The following PXDN variants were observed in gnomAD, a reference collection of about 807,000 sequenced individuals.
PXDN encodes the protein peroxidasin homolog.
In PXDN, 77 loss-of-function variants were observed where a neutral mutation model predicts 140.3. That is an observed-to-expected ratio of 0.55 (90% confidence interval 0.46 to 0.66). The LOEUF (loss-of-function observed/expected upper bound fraction) is 0.66, where lower values mean the gene tolerates loss of function less well. PXDN is among the 30% of genes least tolerant of loss of function. The pLI is 0.00. For missense variants in PXDN, 1,838 were observed against 2,039.5 expected, an observed-to-expected ratio of 0.90 and a Z score of 1.90; for synonymous variants, 911 against 857.4, an observed-to-expected ratio of 1.06 and a Z score of -1.09.
rs1558494304 is a variant in PXDN, at chr2:1,658,054, CT to C, written c.1837+2826del. Reference sequence around the variant, plus strand: ...TCTCTCTCTCTCTCTCTCTCTCTCTCTCTCTCTCTCTCTCTCTCTCTCTCTC... The same window carrying C: ...TCTCTCTCTCTCTCTCTCTCTCTCTCCTCTCTCTCTCTCTCTCTCTCTCTC... On this transcript the variant is annotated intron_variant, in intron 14 of 22. Coordinates refer to ENST00000252804, the MANE Select transcript of PXDN (RefSeq NM_012293.3). 3.8e-3 allele frequency among the ~76,000 whole-genome samples: 498 copies of C among 130,260 alleles called. 41 individuals carry two copies. Among genetic ancestry groups the C allele is most frequent in the Admixed American group, 0.011 (148 of 13,232 alleles). The allele number at this position is 130,260 out of a possible 152,430, so 85.5% of individuals were successfully genotyped here. A position where few individuals can be genotyped will look rare whatever the true frequency, so the allele number is the denominator to read the frequency against.
At chr2:1,711,729 G>A (rs1289319937) in intron 1 of PXDN, among the ~76,000 whole-genome samples, 1 of 152,206 alleles carries the variant, frequency 6.6e-6, no homozygotes, top group Admixed American at 6.5e-5. Flanking sequence ...GATCCACTGG[G>A]GGAAGGCAAG....
At chr2:1,743,343 C>G (rs907366129) in intron 1 of PXDN, among the ~76,000 whole-genome samples, 3 of 152,230 alleles carry the variant, frequency 2.0e-5, no homozygotes, top group Non-Finnish European at 4.4e-5. Flanking sequence ...CAGAAACCCG[C>G]TCTGAGTCCC....
intron 8 of PXDN, among the ~76,000 whole-genome samples, chr2:1,675,925 C>T (rs749359894): frequency 7.9e-5 from 12 of 152,128 alleles, no homozygotes; most frequent in Non-Finnish European, 1.6e-4. Context: ...GGGGCTGGGC[C>T]GGCAGGAGGA....
Position 1,653,873 on chromosome 2 carries a change from T to C in PXDN, c.1947-88A>G. ...GTACCCCAAAATATAATCATTGCTA[T>C]TAATATTTCTACGGCTACTTTCTAC... On this transcript the variant is annotated intron_variant, in intron 15 of 22. Transcript: ENST00000252804. 9 of 1,365,246 alleles carry C rather than the reference T, an allele frequency of 6.6e-6. No individual in the cohort carries two copies. In the South Asian group the frequency reaches 1.2e-4, roughly 18 times the overall value. 84.6% of individuals were successfully genotyped at this position (1,365,246 alleles called of 1,614,324 possible).
chr2:1,668,333 T>C (rs1281690764), intron 9 of PXDN, among the ~76,000 whole-genome samples: 1 of 152,074 alleles, frequency 6.6e-6, no homozygotes, highest in Non-Finnish European at 1.5e-5. Flanking sequence ...ACATAAAACC[T>C]GAAACCATAA....
At chr2:1,647,523 CAG>C (rs1682877000) in intron 17 of PXDN, among the ~76,000 whole-genome samples, 6 of 152,214 alleles carry the variant, frequency 3.9e-5, no homozygotes, top group Admixed American at 3.9e-4. Flanking sequence ...TCCCTTGTCT[CAG>C]GGGTGACAGC....
chr2:1,691,497 C>G (rs954981554), intron 3 of PXDN, among the ~76,000 whole-genome samples: 1 of 152,194 alleles, frequency 6.6e-6, no homozygotes, highest in Non-Finnish European at 1.5e-5. Flanking sequence ...TGACACTCCA[C>G]CGGGGTTAGT....
intron 16 of PXDN, among the ~76,000 whole-genome samples, chr2:1,652,911 T>C (rs879001885): frequency 6.7e-6 from 1 of 149,912 alleles, no homozygotes; most frequent in Admixed American, 6.7e-5. Context: ...ACAGCTACTG[T>C]TACATTCTCC....
chr2:1,729,573 G>T (rs1685265819), intron 1 of PXDN, among the ~76,000 whole-genome samples: 2 of 151,318 alleles, frequency 1.3e-5, no homozygotes, highest in African/African-American at 4.9e-5. Flanking sequence ...GTGGGGGAGG[G>T]GGGTGAGGGA....
intron 1 of PXDN, among the ~76,000 whole-genome samples, chr2:1,718,374 A>G (rs1271230902): frequency 1.3e-5 from 2 of 152,088 alleles, no homozygotes; most frequent in African/African-American, 4.8e-5. Context: ...TACTCTACTA[A>G]CTTACCACCC....
intron 19 of PXDN, among the ~76,000 whole-genome samples, chr2:1,642,168 G>A (rs985471324): frequency 6.6e-6 from 1 of 151,860 alleles, no homozygotes; most frequent in Non-Finnish European, 1.5e-5. Flanking sequence ...GTGGTGGGGG[G>A]TGCAGATGAG....
chr2:1,657,645 C>T (rs914514584), intron 14 of PXDN, among the ~76,000 whole-genome samples: 2 of 151,840 alleles, frequency 1.3e-5, no homozygotes, highest in Non-Finnish European at 2.9e-5. Context: ...ACTACCCTCT[C>T]TTGACAGCGA....
intron 1 of PXDN, among the ~76,000 whole-genome samples, chr2:1,697,241 A>C (rs1684318880): frequency 6.6e-6 from 1 of 152,202 alleles, no homozygotes; most frequent in African/African-American, 2.4e-5. Flanking sequence ...TATATTTTTA[A>C]GTGTGCGTGT....
intron 4 of PXDN, among the ~76,000 whole-genome samples, chr2:1,686,732 G>A (rs1487336599): frequency 6.6e-6 from 1 of 152,092 alleles, no homozygotes; most frequent in Non-Finnish European, 1.5e-5. Flanking sequence ...CACACTTTCG[G>A]AAACATGAGC....
chr2:1,718,719 C>T (rs1322384442), intron 1 of PXDN, among the ~76,000 whole-genome samples: 1 of 152,238 alleles, frequency 6.6e-6, no homozygotes, highest in East Asian at 1.9e-4. Flanking sequence ...CGTGTGTGGT[C>T]CCTTTACGGC....
chr2:1,705,668 G>T (rs1465170334), intron 1 of PXDN, among the ~76,000 whole-genome samples: 1 of 143,128 alleles, frequency 7.0e-6, no homozygotes, highest in Non-Finnish European at 1.5e-5. Flanking sequence ...GACGCAGGGT[G>T]CAGAGTGCAG....
rs1486352707 is a variant in PXDN, at chr2:1,685,276, C to T, written c.417-1125G>A. On this transcript the variant is annotated intron_variant, in intron 4 of 22. Coordinates refer to ENST00000252804, the MANE Select transcript of PXDN (RefSeq NM_012293.3). The surrounding 1 kb of genome is among the most constrained non-coding windows in gnomAD (Gnocchi z 5.1). Reference sequence around the variant, plus strand: ...AGGTCTGTGCTCAGCACTCCGCGCACGAATGGGAAACGTGAGGGAAGGAAA... The same window carrying T: ...AGGTCTGTGCTCAGCACTCCGCGCATGAATGGGAAACGTGAGGGAAGGAAA... Among the ~76,000 whole-genome samples the T allele has an allele frequency of 1.3e-5, 2 of 152,206 alleles. No homozygotes were observed. The highest frequency in any genetic ancestry group is 2.4e-5 in the African/African-American group (1 of 41,452).
chr2:1,687,069 C>G lies in PXDN; in HGVS notation c.416+563G>C, dbSNP rs938672463. ...AACACGCTGACTTCACAGCAAAGTACGACTTCACGTTGGCCAAAGAAACTA... is the reference window on the plus strand; with the variant it reads ...AACACGCTGACTTCACAGCAAAGTAGGACTTCACGTTGGCCAAAGAAACTA... On this transcript the variant is annotated intron_variant, in intron 4 of 22. Transcript: ENST00000252804. This position sits in a 1 kb window ranked among gnomAD's most constrained non-coding sequence, Gnocchi z 4.0. 6.6e-6 allele frequency among the ~76,000 whole-genome samples: 1 copy of G among 152,230 alleles called. No homozygotes were observed. The highest frequency in any genetic ancestry group is 1.5e-5 in the Non-Finnish European group (1 of 68,042).
At chr2:1,693,219 G>T in intron 1 of PXDN, 85 bp from the exon 2 acceptor site, 1 of 1,118,692 alleles carries the variant, frequency 8.9e-7, no homozygotes, top group Non-Finnish European at 1.3e-6. Flanking sequence ...TTTCAAAATG[G>T]TGACAATGCA....
Sources: allele counts gnomAD v4.1 joint callset (sites outside exome capture counted in the v4.1 genomes callset), GRCh38; gene constraint gnomAD v4.1.1; non-coding constraint Gnocchi (gnomAD v3.1); transcripts MANE v1.5; gene names NCBI Gene and HGNC (gene_info 2026-07-23, HGNC 2026-07-21).